THADA: variants seen among roughly 807,000 people sequenced by gnomAD.
The protein encoded by THADA is THADA armadillo repeat containing.
Under a neutral mutation model 219.8 loss-of-function variants are expected in THADA, and 213 were observed. That is an observed-to-expected ratio of 0.97 (90% CI 0.87 to 1.09). THADA has a LOEUF of 1.09. Ranked by LOEUF, THADA falls within the 50% of genes least tolerant of loss-of-function variation. THADA has a pLI of 0.00. For missense variants in THADA, 2,956 were observed against 2,311.3 expected (o/e 1.28, Z -5.72); for synonymous variants, 1,018 against 828.9 (o/e 1.23, Z -3.92).
intron 36 of THADA, among the ~76,000 whole-genome samples, chr2:43,237,090 A>C (rs1029761170): frequency 6.9e-6 from 1 of 144,994 alleles, no homozygotes; most frequent in Non-Finnish European, 1.5e-5. Context: ...AAAAAAAAAA[A>C]CCAGGGAATA....
intron 22 of THADA, among the ~76,000 whole-genome samples, chr2:43,526,961 T>C (rs1027826025): frequency 7.2e-5 from 11 of 152,106 alleles, no homozygotes; most frequent in Non-Finnish European, 1.5e-4. Context: ...AAACAAAAAG[T>C]TGAAAAGATA....
intron 12 of THADA, among the ~76,000 whole-genome samples, chr2:43,572,577 T>G (rs905950521): frequency 6.6e-6 from 1 of 152,214 alleles, no homozygotes; most frequent in Non-Finnish European, 1.5e-5. Context: ...GTATCTGTAT[T>G]GTCAGTTCTA....
intron 8 of THADA, 143 bp downstream of exon 8, chr2:43,581,598 C>T: frequency 1.5e-6 from 1 of 678,522 alleles, no homozygotes; most frequent in South Asian, 2.2e-5. Flanking sequence ...CCAGGGCCTC[C>T]CTCCATTTTT....
At chr2:43,315,736 G>T (rs968764367) in intron 31 of THADA, among the ~76,000 whole-genome samples, 1 of 152,148 alleles carries the variant, frequency 6.6e-6, no homozygotes, top group African/African-American at 2.4e-5. Flanking sequence ...CAAAGTGCTG[G>T]GATTATAGGC....
intron 28 of THADA, among the ~76,000 whole-genome samples, chr2:43,408,097 A>G (rs1462707976): frequency 6.6e-6 from 1 of 152,206 alleles, no homozygotes; most frequent in Admixed American, 6.5e-5. Flanking sequence ...TTTATTCAAT[A>G]TTATCTTTAA....
chr2:43,310,222 T>TCCC (rs371025361), intron 31 of THADA, among the ~76,000 whole-genome samples: 10 of 64,572 alleles, frequency 1.5e-4, no homozygotes, highest in African/African-American at 3.6e-4. Flanking sequence ...TCCCTCCCTT[T>TCCC]CCCGCCCCCC....
At chr2:43,324,968 C>T (rs1162304453) in intron 30 of THADA, among the ~76,000 whole-genome samples, 1 of 152,208 alleles carries the variant, frequency 6.6e-6, no homozygotes, top group Non-Finnish European at 1.5e-5. Context: ...AGAAGGAATC[C>T]AGCACTATGC....
At chr2:43,554,431 C>G (rs1265864111) in intron 17 of THADA, among the ~76,000 whole-genome samples, 1 of 151,928 alleles carries the variant, frequency 6.6e-6, no homozygotes, top group Non-Finnish European at 1.5e-5. Context: ...AATTATTATT[C>G]AGAACATATA....
At chr2:43,571,936 T>G in intron 12 of THADA, 74 bp from the exon 13 acceptor site, 1 of 1,412,634 alleles carries the variant, frequency 7.1e-7, no homozygotes, top group East Asian at 2.3e-5. Flanking sequence ...AATTGCTTAC[T>G]TACATAGGCT....
rs190826224 is a variant in THADA, at chr2:43,417,958, T to C, written c.4058+10142A>G. On this transcript the variant is annotated intron_variant, in intron 28 of 37. Transcript: ENST00000405975. ...ATGTGTAAAGTCCTAAAATATTGCCTGGCTTATAGTAAACATTTGCTAATT... is the reference window on the plus strand; with the variant it reads ...ATGTGTAAAGTCCTAAAATATTGCCCGGCTTATAGTAAACATTTGCTAATT... Among the ~76,000 whole-genome samples the C allele has an allele frequency of 3.9e-5, 6 of 152,292 alleles. No homozygotes were observed. In the East Asian group the frequency reaches 1.2e-3, roughly 29 times the overall value.
intron 30 of THADA, among the ~76,000 whole-genome samples, chr2:43,338,992 T>C (rs1347152022): frequency 6.6e-6 from 1 of 152,012 alleles, no homozygotes. Flanking sequence ...CATGATACTA[T>C]CGAGTGAAAA....
intron 30 of THADA, among the ~76,000 whole-genome samples, chr2:43,335,300 G>A (rs1666283520): frequency 6.6e-6 from 1 of 152,302 alleles, no homozygotes; most frequent in South Asian, 2.1e-4. Context: ...CAAGTACAAA[G>A]AGCCCAGTAA....
At chr2:43,260,219 C>T (rs1262778800) in intron 36 of THADA, among the ~76,000 whole-genome samples, 1 of 152,158 alleles carries the variant, frequency 6.6e-6, no homozygotes, top group Non-Finnish European at 1.5e-5. Flanking sequence ...CAAGTGGGAG[C>T]CACCACACCT....
rs550847035 is a variant in THADA, at chr2:43,299,655, T to C, written c.4439-6442A>G. Among the ~76,000 whole-genome samples the C allele has an allele frequency of 1.0e-3, 155 of 152,106 alleles. 1 individual carries two copies. The highest frequency in any genetic ancestry group is 3.6e-3 in the African/African-American group (148 of 41,490). On this transcript the variant is annotated intron_variant, in intron 31 of 37. Coordinates refer to ENST00000405975, the MANE Select transcript of THADA (RefSeq NM_022065.5). ...CCAGCCTGAGCAACAGAAGAGACTC[T>C]GTCTCAAAAACAACAACACCAACAA...
intron 31 of THADA, among the ~76,000 whole-genome samples, chr2:43,312,653 A>G (rs1677641334): frequency 6.6e-6 from 1 of 152,018 alleles, no homozygotes; most frequent in Non-Finnish European, 1.5e-5. Context: ...TGGCACAAGC[A>G]GCAGTTCAGA....
intron 20 of THADA, among the ~76,000 whole-genome samples, chr2:43,544,286 C>T (rs372627767): frequency 1.3e-5 from 2 of 152,050 alleles, no homozygotes; most frequent in Non-Finnish European, 2.9e-5. Context: ...AGCCTTATAG[C>T]ATAGTTTGAA....
chr2:43,457,699 T>C (rs1029858892), intron 26 of THADA, among the ~76,000 whole-genome samples: 3 of 152,200 alleles, frequency 2.0e-5, no homozygotes, highest in Non-Finnish European at 2.9e-5. Context: ...AATTCAGTTA[T>C]AGGGAACCGC....
intron 31 of THADA, among the ~76,000 whole-genome samples, chr2:43,310,083 A>G (rs1677314258): frequency 6.6e-6 from 1 of 152,210 alleles, no homozygotes; most frequent in Non-Finnish European, 1.5e-5. Context: ...ATAAATGGAA[A>G]GACATCCAGT....
intron 36 of THADA, among the ~76,000 whole-genome samples, chr2:43,233,606 T>G (rs1193328854): frequency 1.3e-5 from 2 of 152,204 alleles, no homozygotes; most frequent in African/African-American, 4.8e-5. Context: ...TTTTTGTTTT[T>G]GGACCCTTGT....
Sources: gnomAD v4.1 joint callset for allele counts (sites outside exome capture counted in the v4.1 genomes callset) on GRCh38, gnomAD v4.1.1 for gene constraint, MANE v1.5 for transcripts, NCBI Gene and HGNC (gene_info 2026-07-23, HGNC 2026-07-21) for gene names.